Variants in DPP6 observed in about 807,000 individuals in gnomAD.
DPP6 encodes A-type potassium channel modulatory protein DPP6.
DPP6 carries 69 observed loss-of-function variants against 122.6 expected under a neutral mutation model. The observed-to-expected ratio is 0.56, with a 90% CI of 0.46 to 0.69. DPP6 has a LOEUF of 0.69. DPP6 is among the 30% of genes least tolerant of loss of function. DPP6 has a pLI of 0.00. For synonymous variants in DPP6, 418 were observed against 433.1 expected, an observed-to-expected ratio of 0.97 and a Z score of 0.43; for missense variants, 928 against 1,116.9, an observed-to-expected ratio of 0.83 and a Z score of 2.41.
chr7:154,429,159 A>C (rs545424601), intron 1 of DPP6, among the ~76,000 whole-genome samples: 1 of 145,976 alleles, frequency 6.9e-6, no homozygotes, highest in Non-Finnish European at 1.5e-5. Flanking sequence ...AACCTCTCTG[A>C]GCTTCTGCTT....
chr7:154,675,003 TAAG>T (rs758471124), intron 7 of DPP6, among the ~76,000 whole-genome samples: 1 of 152,212 alleles, frequency 6.6e-6, no homozygotes, highest in South Asian at 2.1e-4. Flanking sequence ...AGTCAGACTT[TAAG>T]AAGAATTGCC....
At chr7:154,805,307 A>AT (rs1363578456) in intron 15 of DPP6, among the ~76,000 whole-genome samples, 2 of 152,030 alleles carry the variant, frequency 1.3e-5, no homozygotes, top group Non-Finnish European at 2.9e-5. Context: ...CCCACCACAG[A>AT]TTTTTTGTAG....
rs1409572780 is a variant in DPP6 at position 154,063,214 on chromosome 7, C to G, written c.243+10151C>G. 2.2e-5 allele frequency among the ~76,000 whole-genome samples: 3 copies of G among 133,822 alleles called. 1 individual carries two copies. The highest frequency in any genetic ancestry group is 4.9e-5 in the Non-Finnish European group (3 of 61,174). 87.8% of individuals were successfully genotyped at this position (133,822 alleles called of 152,430 possible). On this transcript the variant is annotated intron_variant, in intron 1 of 25. Coordinates refer to ENST00000377770, the MANE Select transcript of DPP6 (RefSeq NM_130797.4). ...CATCGCAGGGTTGGGGAGGCACCCC[C>G]CCGCGAGGCAGGGACTGAGAGCCAG...
intron 3 of DPP6, among the ~76,000 whole-genome samples, chr7:154,531,474 G>A (rs907057906): frequency 6.6e-5 from 10 of 152,040 alleles, no homozygotes; most frequent in African/African-American, 2.4e-4. Flanking sequence ...GACATTTTCA[G>A]ATAAAACAAA....
the DPP6 span, among the ~76,000 whole-genome samples, chr7:153,757,837 T>C: frequency 6.6e-6 from 1 of 152,190 alleles, no homozygotes; most frequent in Non-Finnish European, 1.5e-5. Context: ...TGCATGCCTG[T>C]AGTCCCAACT....
chr7:154,708,926 TA>T (rs981941448), intron 7 of DPP6, among the ~76,000 whole-genome samples: 9 of 152,000 alleles, frequency 5.9e-5, no homozygotes, highest in Admixed American at 4.6e-4. Flanking sequence ...CACATGTCTG[TA>T]ATCCCAGCTA....
chr7:153,946,517 A>G (rs1201390251), intron 1 of DPP6, among the ~76,000 whole-genome samples: 1 of 151,952 alleles, frequency 6.6e-6, no homozygotes, highest in African/African-American at 2.4e-5. Context: ...TGGGTTTTAG[A>G]CGGCTTCTTT....
chr7:154,257,909 G>C (rs1482814463), intron 1 of DPP6, among the ~76,000 whole-genome samples: 1 of 152,154 alleles, frequency 6.6e-6, no homozygotes, highest in African/African-American at 2.4e-5. Flanking sequence ...GAGATCCTTG[G>C]CATCAGCCAG....
At chr7:154,676,603 T>C (rs1337562849) in intron 7 of DPP6, among the ~76,000 whole-genome samples, 1 of 152,254 alleles carries the variant, frequency 6.6e-6, no homozygotes, top group African/African-American at 2.4e-5. Flanking sequence ...CCTTAGTGAT[T>C]GCTACACCCT....
intron 6 of DPP6, among the ~76,000 whole-genome samples, chr7:154,661,751 C>G (rs1307368792): frequency 6.9e-6 from 1 of 144,380 alleles, no homozygotes. Context: ...TGGTGAATCA[C>G]CATGGCGTGT....
At chr7:154,542,932 C>A (rs899152739) in intron 4 of DPP6, among the ~76,000 whole-genome samples, 10 of 152,190 alleles carry the variant, frequency 6.6e-5, no homozygotes, top group African/African-American at 1.9e-4. Flanking sequence ...CTTCTGCCAG[C>A]CCAGAACCTG....
Position 154,863,075 on chromosome 7 carries a change from T to A in DPP6, c.1715-4920T>A, listed in dbSNP as rs762970364. On this transcript the variant is annotated intron_variant, in intron 17 of 25. Coordinates refer to ENST00000377770, the MANE Select transcript of DPP6 (RefSeq NM_130797.4). The surrounding 1 kb of genome is among the most constrained non-coding windows in gnomAD (Gnocchi z 4.1). ...CACCATGACTGGCTAATTTTTACAT[T>A]TTTCTTTGGAGAGATCAGGTCTCCC... 5.3e-5 allele frequency among the ~76,000 whole-genome samples: 8 copies of A among 151,946 alleles called. No homozygotes were observed. Among genetic ancestry groups the A allele is most frequent in the Non-Finnish European group, 8.8e-5 (6 of 67,984 alleles).
intron 7 of DPP6, among the ~76,000 whole-genome samples, chr7:154,711,941 C>CAT (rs1841208188): frequency 2.9e-5 from 1 of 34,632 alleles, no homozygotes; most frequent in Non-Finnish European, 9.0e-5. Flanking sequence ...TCACTTAATA[C>CAT]ACACACACAC....
At chr7:154,796,635 A>T (rs989814698) in intron 12 of DPP6, among the ~76,000 whole-genome samples, 1 of 152,196 alleles carries the variant, frequency 6.6e-6, no homozygotes. Flanking sequence ...ACTCTGGAAA[A>T]AGTCAAGCCA....
At position 154,516,488 on chromosome 7, in the gene DPP6, G is replaced by A. The variant is rs140311541; in HGVS notation, c.458-24044G>A. 2.8e-3 allele frequency among the ~76,000 whole-genome samples: 419 copies of A among 152,194 alleles called. 3 individuals carry two copies. The highest frequency in any genetic ancestry group is 9.7e-3 in the African/African-American group (401 of 41,534). On this transcript the variant is annotated intron_variant, in intron 3 of 25. Coordinates refer to ENST00000377770, the MANE Select transcript of DPP6 (RefSeq NM_130797.4). The stretch of plus-strand genomic sequence containing the variant: ...ATGCACTGACTCAAGAAAATGTGAC[G>A]TATAATCATGAAAGACATATATTAT...
At chr7:154,710,950 C>T (rs1841139846) in intron 7 of DPP6, among the ~76,000 whole-genome samples, 2 of 152,194 alleles carry the variant, frequency 1.3e-5, no homozygotes, top group Admixed American at 6.5e-5. Context: ...ATATTACATA[C>T]AACAGGATCT....
chr7:154,016,684 G>A (rs987365771), intron 1 of DPP6, among the ~76,000 whole-genome samples: 8 of 152,214 alleles, frequency 5.3e-5, no homozygotes, highest in African/African-American at 9.6e-5. Flanking sequence ...ATACCCAGCT[G>A]AGAGATTGAT....
chr7:153,778,467 C>G, the DPP6 span, among the ~76,000 whole-genome samples: 708 of 146,712 alleles, frequency 4.8e-3, no homozygotes, highest in African/African-American at 0.019. Context: ...GAATGTACCT[C>G]TTACTCAGAT....
intron 1 of DPP6, among the ~76,000 whole-genome samples, chr7:154,404,750 T>G (rs1815928266): frequency 2.0e-5 from 3 of 152,192 alleles, no homozygotes; most frequent in African/African-American, 7.2e-5. Flanking sequence ...TGTAATTGGA[T>G]AAAAGTGTTC....
Sources: gnomAD v4.1 joint callset for allele counts (sites outside exome capture counted in the v4.1 genomes callset) on GRCh38, gnomAD v4.1.1 for gene constraint, Gnocchi (gnomAD v3.1) non-coding constraint, MANE v1.5 for transcripts, NCBI Gene and HGNC (gene_info 2026-07-23, HGNC 2026-07-21) for gene names.